The following LDAF1 variants were observed in gnomAD, a reference collection of about 807,000 sequenced individuals.
LDAF1 encodes the protein PROMETHIN.
A neutral mutation model predicts 13.5 loss-of-function variants in LDAF1; 7 were observed. The ratio of observed to expected loss-of-function variants is 0.52; its 90% CI spans 0.29 to 0.97. The LOEUF is 0.97. Ranked by LOEUF, LDAF1 falls within the 50% of genes least tolerant of loss-of-function variation. The pLI, the probability that LDAF1 is intolerant of heterozygous loss-of-function variation, is 0.07. For missense variants in LDAF1, 148 were observed against 193.2 expected, an observed-to-expected ratio of 0.77 and a Z score of 1.39; for synonymous variants, 69 against 77.1, an observed-to-expected ratio of 0.89 and a Z score of 0.55.
At chr16:21,160,597 A>C (rs191694928) in intron 1 of LDAF1, among the ~76,000 whole-genome samples, 25 of 152,366 alleles carry the variant, frequency 1.6e-4, no homozygotes, top group Admixed American at 1.0e-3. Context: ...GATTTGAAAT[A>C]GTGTGTTCAG....
intron 4 of LDAF1, among the ~76,000 whole-genome samples, chr16:21,174,627 G>T (rs1166398187): frequency 2.0e-5 from 3 of 152,172 alleles, no homozygotes; most frequent in Non-Finnish European, 4.4e-5. Flanking sequence ...CATCAGGTGG[G>T]AATTTACCAT....
Position 21,159,845 on chromosome 16 carries a change from C to T in LDAF1, c.-99+1099C>T, listed in dbSNP as rs1390160761. ...CAAAGGAGACCTGTAAGGGGAACTCCGCTTGTTTCTGCTTGCTGCAGAGAT... is the reference window on the plus strand; with the variant it reads ...CAAAGGAGACCTGTAAGGGGAACTCTGCTTGTTTCTGCTTGCTGCAGAGAT... On this transcript the variant is annotated intron_variant, in intron 1 of 4. Coordinates refer to ENST00000233047, the MANE Select transcript of LDAF1 (RefSeq NM_001301771.2). The T allele has an allele frequency of 2.1e-5, 20 of 941,116 alleles. No individual in the cohort carries two copies. In the East Asian group the frequency reaches 4.7e-4, roughly 22 times the overall value. 58.3% of individuals were successfully genotyped at this position (941,116 alleles called of 1,614,324 possible).
intron 4 of LDAF1, among the ~76,000 whole-genome samples, chr16:21,176,836 G>T (rs2093142559): frequency 6.6e-6 from 1 of 151,242 alleles, no homozygotes; most frequent in African/African-American, 2.4e-5. Context: ...GGAGGTTGGG[G>T]GTGCAGTGAG....
At chr16:21,170,692 G>A in intron 3 of LDAF1, 87 bp downstream of exon 3, 5 of 1,517,068 alleles carry the variant, frequency 3.3e-6, no homozygotes, top group Non-Finnish European at 4.5e-6. Flanking sequence ...TTTTTTAAGG[G>A]GCGGGGTCTT....
chr16:21,168,880 T>A (rs1169604251), intron 2 of LDAF1, among the ~76,000 whole-genome samples: 1 of 135,630 alleles, frequency 7.4e-6, no homozygotes, highest in East Asian at 2.0e-4. Flanking sequence ...AATTATAATT[T>A]ATATTATATA....
At chr16:21,163,273 C>G (rs546595406) in intron 2 of LDAF1, among the ~76,000 whole-genome samples, 20 of 152,158 alleles carry the variant, frequency 1.3e-4, no homozygotes, top group Non-Finnish European at 2.4e-4. Flanking sequence ...TCGGTGTCAC[C>G]TTGCTTGACC....
chr16:21,166,675 A>C (rs973576928), intron 2 of LDAF1, among the ~76,000 whole-genome samples: 1 of 152,168 alleles, frequency 6.6e-6, no homozygotes, highest in African/African-American at 2.4e-5. Flanking sequence ...TGCTCTCCCC[A>C]CTGTGGTTCT....
At chr16:21,169,959 A>G (rs1227266052) in intron 2 of LDAF1, among the ~76,000 whole-genome samples, 1 of 126,228 alleles carries the variant, frequency 7.9e-6, no homozygotes, top group Non-Finnish European at 1.7e-5. Context: ...TGTTATTCTT[A>G]TTATCATTTT....
chr16:21,169,183 G>A, intron 2 of LDAF1: 1 of 984,726 alleles, frequency 1.0e-6, no homozygotes, highest in South Asian at 4.7e-5. Context: ...CTTGGAGGCT[G>A]TGCGACTCTA....
At position 21,174,163 on chromosome 16, in the gene LDAF1, A is replaced by G. The variant is rs2093117763; in HGVS notation, c.404+15A>G. On this transcript the variant is annotated intron_variant, in intron 4 of 4. Coordinates refer to ENST00000233047, the MANE Select transcript of LDAF1 (RefSeq NM_001301771.2). ...TTTTCTCCCAGGTAAATACATGTCC[A>G]TGAAATAATTTATTTTTTTAATCTT... 48 of 1,588,642 alleles carry G rather than the reference A, an allele frequency of 3.0e-5. No individual in the cohort carries two copies. Among genetic ancestry groups the G allele is most frequent in the Non-Finnish European group, 4.1e-5 (48 of 1,172,976 alleles).
intron 1 of LDAF1, chr16:21,159,928 A>G (rs1180904774): frequency 2.0e-6 from 2 of 985,200 alleles, no homozygotes; most frequent in African/African-American, 3.5e-5. Context: ...CGCCAGAGGC[A>G]GCTTCAAAGA....
At chr16:21,173,079 A>G (rs1464477308) in intron 3 of LDAF1, among the ~76,000 whole-genome samples, 1 of 152,208 alleles carries the variant, frequency 6.6e-6, no homozygotes, top group African/African-American at 2.4e-5. Context: ...TAATTCATTA[A>G]TATTCCTATT....
chr16:21,159,243 A>G (rs2092932944), intron 1 of LDAF1: 1 of 1,260,830 alleles, frequency 7.9e-7, no homozygotes, highest in Non-Finnish European at 1.2e-6. Flanking sequence ...TTACCCCCAA[A>G]TTAATAACTA....
At chr16:21,169,171 A>C (rs1484794694) in intron 2 of LDAF1, 3 of 984,800 alleles carry the variant, frequency 3.0e-6, no homozygotes, top group Non-Finnish European at 3.6e-6. Context: ...GAGATTTTGC[A>C]ACTTGGAGGC....
chr16:21,158,836 G>C (rs904104881), intron 1 of LDAF1, 90 bp downstream of exon 1: 4 of 162,446 alleles, frequency 2.5e-5, no homozygotes, highest in African/African-American at 9.6e-5. Context: ...GAGCGCGGGG[G>C]CGACGGCGTG....
intron 2 of LDAF1, among the ~76,000 whole-genome samples, chr16:21,162,196 CTAAGA>C (rs760749302): frequency 6.6e-6 from 1 of 152,106 alleles, no homozygotes; most frequent in Non-Finnish European, 1.5e-5. Context: ...TTTATTCAAC[CTAAGA>C]TATCAAAAAT....
rs754500297 is a variant in LDAF1 at position 21,179,634 on chromosome 16, G to A, written c.*78G>A. 1.5e-6 allele frequency: 2 copies of A among 1,364,948 alleles called. No individual in the cohort carries two copies. Among genetic ancestry groups the A allele is most frequent in the Non-Finnish European group, 2.0e-6 (2 of 978,258 alleles). The allele number at this position is 1,364,948 out of a possible 1,614,324, so 84.6% of individuals were successfully genotyped here. A position where few individuals can be genotyped will look rare whatever the true frequency, so the allele number is the denominator to read the frequency against. On this transcript the variant is annotated 3_prime_UTR_variant, in exon 5 of 5. Coordinates refer to ENST00000233047, the MANE Select transcript of LDAF1 (RefSeq NM_001301771.2). ...CCCTTGGGATTATGGCTTAGAAGAA[G>A]GGGGCTGGGTAGGCAAGCACTCCTT...
Position 21,161,094 on chromosome 16 carries a change from G to T in LDAF1, c.-89G>T. On this transcript the variant is annotated 5_prime_UTR_variant, in exon 2 of 5. Coordinates refer to ENST00000233047, the MANE Select transcript of LDAF1 (RefSeq NM_001301771.2). Reference sequence around the variant, plus strand: ...TTTCCTCTGGTAACAGCAAGAGACAGAGCGACATGAGAGATTGGACCGCGG... The same window carrying T: ...TTTCCTCTGGTAACAGCAAGAGACATAGCGACATGAGAGATTGGACCGCGG... 6.4e-7 allele frequency: 1 copy of T among 1,560,202 alleles called. No individual in the cohort carries two copies. The highest frequency in any genetic ancestry group is 8.6e-7 in the Non-Finnish European group (1 of 1,157,466).
At chr16:21,164,493 C>T (rs1002380566) in intron 2 of LDAF1, among the ~76,000 whole-genome samples, 4 of 152,282 alleles carry the variant, frequency 2.6e-5, no homozygotes, top group Non-Finnish European at 5.9e-5. Flanking sequence ...TCAAGCAGTC[C>T]TCCTGCCTTG....
Sources: allele counts gnomAD v4.1 joint callset (sites outside exome capture counted in the v4.1 genomes callset), GRCh38; gene constraint gnomAD v4.1.1; transcripts MANE v1.5; gene names NCBI Gene and HGNC (gene_info 2026-07-23, HGNC 2026-07-21).